The following NOL10 variants were observed in gnomAD, a reference collection of about 807,000 sequenced individuals.
NOL10 encodes H_NH0074G24.1.
NOL10 carries 58 observed loss-of-function variants against 103.5 expected under a neutral mutation model. The observed-to-expected ratio is 0.56, with a 90% CI of 0.45 to 0.70. The LOEUF is 0.70. Among genes scored for constraint, NOL10 ranks in the 30% least tolerant of loss-of-function variants. NOL10 has a pLI of 0.00. For synonymous variants in NOL10, 287 were observed against 282.5 expected, an observed-to-expected ratio of 1.02 and a Z score of -0.16; for missense variants, 763 against 807.3, an observed-to-expected ratio of 0.95 and a Z score of 0.67.
chr2:10,623,099 C>T (rs369370700), intron 13 of NOL10, among the ~76,000 whole-genome samples: 64 of 152,238 alleles, frequency 4.2e-4, no homozygotes, highest in Middle Eastern at 3.4e-3. Flanking sequence ...GTGTCCTATC[C>T]CTGGCTTCCA....
At chr2:10,662,458 G>A (rs1469823521) in intron 9 of NOL10, among the ~76,000 whole-genome samples, 2 of 152,154 alleles carry the variant, frequency 1.3e-5, no homozygotes, top group African/African-American at 4.8e-5. Context: ...TTCAAAACAT[G>A]TATGCTATTT....
At chr2:10,582,807 A>T (rs1438384126) in intron 19 of NOL10, among the ~76,000 whole-genome samples, 2 of 152,176 alleles carry the variant, frequency 1.3e-5, no homozygotes, top group Non-Finnish European at 2.9e-5. Context: ...TCTGTGGCTG[A>T]GTCTTCTCTG....
At chr2:10,649,489 T>G (rs990221431) in intron 12 of NOL10, among the ~76,000 whole-genome samples, 1 of 151,810 alleles carries the variant, frequency 6.6e-6, no homozygotes, top group African/African-American at 2.4e-5. Context: ...CTCAGCTAAG[T>G]TTGTATTTTT....
Position 10,572,276 on chromosome 2 carries a change from A to G in NOL10, c.1948-86T>C, listed in dbSNP as rs565272603. On this transcript the variant is annotated intron_variant, in intron 20 of 20. Transcript: ENST00000381685. The stretch of plus-strand genomic sequence containing the variant: ...TAACCGTCAGGCTGCCAACAGTACC[A>G]CCACCAATCTCAGAACTGCTGCCAG... The G allele has an allele frequency of 2.0e-4, 277 of 1,415,762 alleles. 2 individuals are homozygous for G. In the African/African-American group the frequency reaches 3.2e-3, roughly 16 times the overall value. The allele number at this position is 1,415,762 out of a possible 1,614,324, so 87.7% of individuals were successfully genotyped here. A position where few individuals can be genotyped will look rare whatever the true frequency, so the allele number is the denominator to read the frequency against.
At chr2:10,605,185 A>G (rs1227301400) in intron 14 of NOL10, among the ~76,000 whole-genome samples, 1 of 152,182 alleles carries the variant, frequency 6.6e-6, no homozygotes, top group African/African-American at 2.4e-5. Flanking sequence ...ATGTCAGTCT[A>G]CCTGTAGTGC....
At chr2:10,638,648 C>G (rs1322064365) in intron 13 of NOL10, among the ~76,000 whole-genome samples, 1 of 150,708 alleles carries the variant, frequency 6.6e-6, no homozygotes, top group African/African-American at 2.5e-5. Context: ...CCCACAATGA[C>G]CCCCGGCTGA....
At chr2:10,669,797 C>A (rs2148339804) in intron 6 of NOL10, among the ~76,000 whole-genome samples, 2 of 151,894 alleles carry the variant, frequency 1.3e-5, no homozygotes, top group Middle Eastern at 6.8e-3. Flanking sequence ...GAGGATGGGG[C>A]AGGAGAATCG....
chr2:10,659,350 GGGGGA>G lies in NOL10; in HGVS notation c.678-105_678-101del, dbSNP rs199986182. 648 of 470,192 alleles carry G rather than the reference GGGGGA, an allele frequency of 1.4e-3. 131 individuals carry two copies. The East Asian group carries it at 0.031, about 23-fold the overall frequency. The allele number at this position is 470,192 out of a possible 1,614,324, so 29.1% of individuals were successfully genotyped here. A position where few individuals can be genotyped will look rare whatever the true frequency, so the allele number is the denominator to read the frequency against. On this transcript the variant is annotated intron_variant, in intron 9 of 20. Coordinates refer to ENST00000381685, the MANE Select transcript of NOL10 (RefSeq NM_024894.4). ...TTCACTTCAAATCTAATGGGGGGGG[GGGGGA>G]GGAATCACATTTCTAGGCTTCTGTT... is the stretch of plus-strand genomic sequence containing the variant.
At position 10,663,193 on chromosome 2, in the gene NOL10, T is replaced by A. The variant is rs1680322353; in HGVS notation, c.592-149A>T. 8.6e-6 allele frequency: 5 copies of A among 582,180 alleles called. No homozygotes were observed. In the East Asian group the frequency reaches 1.5e-4, roughly 17 times the overall value. 36.1% of individuals were successfully genotyped at this position (582,180 alleles called of 1,614,324 possible). On this transcript the variant is annotated intron_variant, in intron 8 of 20. Transcript: ENST00000381685. ...ACTAGTCTGACTAACATGGCGAAACTCTGTTTCTACTAAAAATACAAAAAA... is the reference window on the plus strand; with the variant it reads ...ACTAGTCTGACTAACATGGCGAAACACTGTTTCTACTAAAAATACAAAAAA...
At chr2:10,639,815 T>C (rs1572353356) in intron 13 of NOL10, among the ~76,000 whole-genome samples, 1 of 151,596 alleles carries the variant, frequency 6.6e-6, no homozygotes. Flanking sequence ...AACAAAACAA[T>C]AGAACCTGGT....
At chr2:10,591,989 G>C (rs1045302142) in intron 17 of NOL10, among the ~76,000 whole-genome samples, 1 of 139,912 alleles carries the variant, frequency 7.1e-6, no homozygotes, top group African/African-American at 2.8e-5. Flanking sequence ...GTAACAGAGA[G>C]ACCTTGTCAC....
chr2:10,675,955 C>T, intron 3 of NOL10, 84 bp from the exon 4 acceptor site: 1 of 623,318 alleles, frequency 1.6e-6, no homozygotes, highest in Non-Finnish European at 2.7e-6. Flanking sequence ...ACTTCTTGTT[C>T]AGAGACAGGC....
chr2:10,585,193 A>G (rs1259337662), intron 19 of NOL10, among the ~76,000 whole-genome samples: 1 of 152,258 alleles, frequency 6.6e-6, no homozygotes, highest in East Asian at 1.9e-4. Flanking sequence ...AGAGCCAGAG[A>G]TAAAGCAGTA....
chr2:10,621,045 C>T (rs1026149811), intron 13 of NOL10, among the ~76,000 whole-genome samples: 15 of 152,108 alleles, frequency 9.9e-5, no homozygotes, highest in Non-Finnish European at 1.9e-4. Context: ...CCACCTGCCT[C>T]GGCCTCCCAA....
In NOL10 at chr2:10,603,123, C is replaced by T; in HGVS notation, c.1188G>A (p.Arg396=). The T allele has an allele frequency of 1.2e-6, 2 of 1,611,442 alleles. No homozygotes were observed. The highest frequency in any genetic ancestry group is 1.7e-5 in the Admixed American group (1 of 59,742). ...CCATGAAAAACCCATGCATATATGC[C>T]CGGAGGAAAGGAGATCCAATGAGGT... ...LTHLIGSPFL[R]AYMHGFFMDI... The change falls in exon 15 of 21, where the codon CGG becomes CGA. Residue 396 remains arginine, a synonymous_variant. Coordinates refer to ENST00000381685, the MANE Select transcript of NOL10 (RefSeq NM_024894.4).
At chr2:10,680,519 A>C (rs570592849) in intron 3 of NOL10, among the ~76,000 whole-genome samples, 1 of 152,364 alleles carries the variant, frequency 6.6e-6, no homozygotes, top group South Asian at 2.1e-4. Flanking sequence ...CTGTGAGCCT[A>C]GACAAGTCAC....
Position 10,654,545 on chromosome 2 carries a change from T to C in NOL10, c.909A>G (p.Gly303=), listed in dbSNP as rs1360699829. The C allele has an allele frequency of 6.3e-7, 1 of 1,588,936 alleles. No individual in the cohort carries two copies. Among genetic ancestry groups the C allele is most frequent in the South Asian group, 1.2e-5 (1 of 85,588 alleles). Residue 303 remains glycine, a splice_region_variant and synonymous_variant, in exon 12 of 21, where the codon GGA becomes GGG. Transcript: ENST00000381685. The part of the protein sequence containing the change: ...RIVKMWNKNS[G]KIFTSLEPEH... ...CTGGCTCCAAGGAAGTAAATATTTT[T>C]CCCTAAAAATAGCAAGCAAAAACGA... is the stretch of plus-strand genomic sequence containing the variant.
At chr2:10,641,531 G>A (rs1206735042) in intron 13 of NOL10, among the ~76,000 whole-genome samples, 1 of 152,128 alleles carries the variant, frequency 6.6e-6, no homozygotes, top group Non-Finnish European at 1.5e-5. Flanking sequence ...TTGTTTGCAT[G>A]AACAAAAAAG....
intron 13 of NOL10, among the ~76,000 whole-genome samples, chr2:10,635,141 T>C (rs1174222062): frequency 6.6e-6 from 1 of 152,234 alleles, no homozygotes; most frequent in Admixed American, 6.5e-5. Flanking sequence ...ACACACAGAC[T>C]GAAGGTAATT....
Sources: allele counts gnomAD v4.1 joint callset (sites outside exome capture counted in the v4.1 genomes callset), GRCh38; gene constraint gnomAD v4.1.1; transcripts MANE v1.5; gene names NCBI Gene and HGNC (gene_info 2026-07-23, HGNC 2026-07-21).